Variants in ZFR2 observed in about 807,000 individuals in gnomAD.
ZFR2 encodes zinc finger RNA binding protein 2, also known as zinc finger RNA-binding protein 2.
In ZFR2, 104 loss-of-function variants were observed where a neutral mutation model predicts 105.7. That is an observed-to-expected ratio of 0.98 (90% CI 0.84 to 1.16). ZFR2 has a LOEUF of 1.16. Among genes scored for constraint, ZFR2 ranks in the 50% most tolerant of loss-of-function variants. ZFR2 has a pLI of 0.00. For missense variants in ZFR2, 1,425 were observed against 1,355.5 expected, an observed-to-expected ratio of 1.05 and a Z score of -0.80; for synonymous variants, 634 against 597.7, an observed-to-expected ratio of 1.06 and a Z score of -0.89.
rs2038099849 is a variant in ZFR2 at position 3,838,295 on chromosome 19, T to A, written c.54-3312A>T. On this transcript the variant is annotated intron_variant, in intron 1 of 18. Coordinates refer to ENST00000262961, the MANE Select transcript of ZFR2 (RefSeq NM_015174.2). The surrounding 1 kb of genome is among the most constrained non-coding windows in gnomAD (Gnocchi z 4.9). ...GAACAGCATGACTACAGACACCTGA[T>A]GAACACTATGACAGTGGCAGTACTC... 6.6e-6 allele frequency among the ~76,000 whole-genome samples: 1 copy of A among 152,194 alleles called. No homozygotes were observed. The highest frequency in any genetic ancestry group is 2.4e-5 in the African/African-American group (1 of 41,440).
chr19:3,831,817 TG>T lies in ZFR2; in HGVS notation c.440del (p.Pro147HisfsTer6). The T allele has an allele frequency of 6.2e-7, 1 of 1,608,184 alleles. No homozygotes were observed. On this transcript the variant is annotated frameshift_variant, in exon 4 of 19. Coordinates refer to ENST00000262961, the MANE Select transcript of ZFR2 (RefSeq NM_015174.2). LOFTEE classifies it high-confidence loss of function. ...PHGSHSHAQP[P>X]QQAPIVESGQ... ...CGGACTCCACTATGGGCGCCTGCTGTGGGGGCTGAGCGTGGCTGTGACTGCC... is the reference window on the plus strand; with the variant it reads ...CGGACTCCACTATGGGCGCCTGCTGTGGGGCTGAGCGTGGCTGTGACTGCC...
chr19:3,827,480 C>T lies in ZFR2; in HGVS notation c.1026G>A (p.Lys342=), dbSNP rs1568423329. 2 of 1,548,564 alleles carry T rather than the reference C, an allele frequency of 1.3e-6. No homozygotes were observed. Among genetic ancestry groups the T allele is most frequent in the Admixed American group, 3.9e-5 (2 of 51,094 alleles). Residue 342 remains lysine, a synonymous_variant, in exon 6 of 19, where the codon AAG becomes AAA. Coordinates refer to ENST00000262961, the MANE Select transcript of ZFR2 (RefSeq NM_015174.2). The stretch of plus-strand genomic sequence containing the variant: ...CCGGGCGGGGCCGTACCTTCTGGTG[C>T]TTGGATCCCCGGATGTGGGCCGCGT... ...DAYAAHIRGS[K]HQKVFKLHAK... is the part of the protein sequence containing the mutation.
At chr19:3,810,704 C>G in intron 16 of ZFR2, 46 bp downstream of exon 16, 1 of 1,524,040 alleles carries the variant, frequency 6.6e-7, no homozygotes, top group South Asian at 1.2e-5. Context: ...CCATGGAGGC[C>G]CTTGGGGGTC....
chr19:3,833,536 A>T, intron 3 of ZFR2, 128 bp downstream of exon 3: 1 of 696,528 alleles, frequency 1.4e-6, no homozygotes, highest in Non-Finnish European at 2.4e-6. Context: ...AGATCGCACC[A>T]CTGCACTCCA....
chr19:3,810,172 G>A lies in ZFR2; in HGVS notation c.2433+578C>T, dbSNP rs530900157. 3.9e-3 allele frequency among the ~76,000 whole-genome samples: 596 copies of A among 152,326 alleles called. 2 individuals carry two copies. The highest frequency in any genetic ancestry group is 6.8e-3 in the Non-Finnish European group (460 of 68,024). On this transcript the variant is annotated intron_variant, in intron 16 of 18. Coordinates refer to ENST00000262961, the MANE Select transcript of ZFR2 (RefSeq NM_015174.2). ...GAGATGGGGGACGCCCGCAGGGCGG[G>A]GGGGAGGCCGGGTGTGGATGGCTGG...
chr19:3,866,774 C>T lies in ZFR2; in HGVS notation c.53+2191G>A, dbSNP rs1003348519. On this transcript the variant is annotated intron_variant, in intron 1 of 18. Transcript: ENST00000262961. ...GCCTGGATCGCTAGCCAAGTCCAGC[C>T]GCTTTAACTGAGCCCTGGCAATCAA... is the stretch of plus-strand genomic sequence containing the variant. Among the ~76,000 whole-genome samples the T allele has an allele frequency of 2.0e-5, 3 of 152,058 alleles. No homozygotes were observed. The South Asian group carries it at 6.2e-4, about 32-fold the overall frequency.
intron 1 of ZFR2, among the ~76,000 whole-genome samples, chr19:3,864,302 C>T (rs2038406424): frequency 6.6e-6 from 1 of 152,012 alleles, no homozygotes; most frequent in South Asian, 2.1e-4. Context: ...TGCCTGAGCC[C>T]AGAAGTTAGA....
At chr19:3,831,113 A>G (rs1294681427) in intron 5 of ZFR2, among the ~76,000 whole-genome samples, 190 bp downstream of exon 5, 8 of 152,132 alleles carry the variant, frequency 5.3e-5, no homozygotes, top group Non-Finnish European at 1.2e-4. Flanking sequence ...ACACGCACAC[A>G]TACACACTCA....
Position 3,805,989 on chromosome 19 carries a change from TC to T in ZFR2, c.2779del (p.Glu927ArgfsTer51). Reference sequence around the variant, plus strand: ...TCCGCCCCGCCGGCCCCGCTTCTTCTCCCCTGCGCCCTCCTCTCCCTCGCCA... The same window carrying T: ...TCCGCCCCGCCGGCCCCGCTTCTTCTCCCTGCGCCCTCCTCTCCCTCGCCA... ...GPGEGEEGAG[E>X]KKRGRRGGEG... On this transcript the variant is annotated frameshift_variant, in exon 19 of 19. Transcript: ENST00000262961. LOFTEE classifies it low-confidence loss of function (END_TRUNC). The T allele has an allele frequency of 6.5e-7, 1 of 1,543,542 alleles. No individual in the cohort carries two copies. The highest frequency in any genetic ancestry group is 8.7e-7 in the Non-Finnish European group (1 of 1,146,884).
At chr19:3,818,896 A>G (rs1379709834) in intron 12 of ZFR2, 149 bp downstream of exon 12, 2 of 948,814 alleles carry the variant, frequency 2.1e-6, no homozygotes, top group Non-Finnish European at 3.1e-6. Context: ...GACCTGGGGA[A>G]CTTCCTACTC....
chr19:3,821,522 T>C, intron 9 of ZFR2, 43 bp from the exon 10 acceptor site: 2 of 1,513,976 alleles, frequency 1.3e-6, no homozygotes, highest in Non-Finnish European at 1.8e-6. Flanking sequence ...GACCTTGCTT[T>C]AGACAGGGAT....
At chr19:3,810,271 G>A (rs865858417) in intron 16 of ZFR2, among the ~76,000 whole-genome samples, 34 of 152,332 alleles carry the variant, frequency 2.2e-4, no homozygotes, top group African/African-American at 7.7e-4. Context: ...GGCATGGGGC[G>A]TGCTCTGTGA....
chr19:3,817,567 GATAATAATA>G lies in ZFR2; in HGVS notation c.1932-731_1932-723del, dbSNP rs10605531. Reference sequence around the variant, plus strand: ...GAGCAAGACTCCATCTCAAAATAATGATAATAATAATAATAATAATAATAATAATAATAA... The same window carrying G: ...GAGCAAGACTCCATCTCAAAATAATGATAATAATAATAATAATAATAATAA... On this transcript the variant is annotated intron_variant, in intron 12 of 18. Coordinates refer to ENST00000262961, the MANE Select transcript of ZFR2 (RefSeq NM_015174.2). 7.8e-3 allele frequency among the ~76,000 whole-genome samples: 967 copies of G among 124,010 alleles called. 11 individuals carry two copies. The highest frequency in any genetic ancestry group is 0.025 in the African/African-American group (813 of 33,102). 81.4% of individuals were successfully genotyped at this position (124,010 alleles called of 152,430 possible).
At chr19:3,862,992 T>C (rs1018474710) in intron 1 of ZFR2, among the ~76,000 whole-genome samples, 11 of 152,194 alleles carry the variant, frequency 7.2e-5, no homozygotes, top group African/African-American at 2.7e-4. Flanking sequence ...TTGGACCTGG[T>C]GGTAGGAGTC....
intron 2 of ZFR2, 92 bp from the exon 3 acceptor site, chr19:3,833,870 A>C: frequency 1.0e-6 from 1 of 970,416 alleles, no homozygotes; most frequent in Non-Finnish European, 1.5e-6. Flanking sequence ...TGCACTCTGC[A>C]CTTAGTCCTT....
At position 3,810,769 on chromosome 19, in the gene ZFR2, C is replaced by T. The variant is rs1376255965; in HGVS notation, c.2414G>A (p.Trp805Ter). 6.5e-7 allele frequency: 1 copy of T among 1,549,940 alleles called. No individual in the cohort carries two copies. Among genetic ancestry groups the T allele is most frequent in the African/African-American group, 1.4e-5 (1 of 73,162 alleles). Residue 805 changes from tryptophan (W) to a stop codon, truncating the protein, a stop_gained, in exon 16 of 19, where the codon TGG becomes TAG. Transcript: ENST00000262961. LOFTEE classifies it high-confidence loss of function. ...LRDLCRRVPT[W>*]GALPAWAMEL... Reference sequence around the variant, plus strand: ...CCTTACCCAGGCTGGCAGGGCCCCCCAGGTGGGCACACGCCGGCAGAGGTC... The same window carrying T: ...CCTTACCCAGGCTGGCAGGGCCCCCTAGGTGGGCACACGCCGGCAGAGGTC...
At chr19:3,863,494 C>T (rs960532813) in intron 1 of ZFR2, among the ~76,000 whole-genome samples, 6 of 152,154 alleles carry the variant, frequency 3.9e-5, no homozygotes, top group African/African-American at 1.4e-4. Context: ...GTGGTGCGAT[C>T]ATAGCTCAAT....
At chr19:3,861,171 T>C (rs2038369174) in intron 1 of ZFR2, among the ~76,000 whole-genome samples, 3 of 151,882 alleles carry the variant, frequency 2.0e-5, no homozygotes, top group African/African-American at 7.3e-5. Flanking sequence ...CCGCGACAAG[T>C]AAACGACTCA....
In ZFR2 at chr19:3,821,361, C is replaced by T. The variant is rs553934114; in HGVS notation, c.1610G>A (p.Arg537Gln). Reference protein sequence around the residue: ...HLAEERLEQLRRWHAERRRLE... With the variant: ...HLAEERLEQLQRWHAERRRLE... ...GCACCTCCTCTCCGCGTGCCAGCGC[C>T]GCAGCTGCTCCAGCCGCTCCTCCGC... The change falls in exon 10 of 19, where the codon CGG becomes CAG. Residue 537 changes from arginine to glutamine, a missense_variant. Transcript: ENST00000262961. 1.7e-4 allele frequency: 278 copies of T among 1,603,294 alleles called. 2 individuals are homozygous for T. Among genetic ancestry groups the T allele is most frequent in the Middle Eastern group, 1.2e-3 (6 of 4,922 alleles).
Sources: allele counts gnomAD v4.1 joint callset (sites outside exome capture counted in the v4.1 genomes callset), GRCh38; gene constraint gnomAD v4.1.1; non-coding constraint Gnocchi (gnomAD v3.1); transcripts MANE v1.5; gene names NCBI Gene and HGNC (gene_info 2026-07-23, HGNC 2026-07-21).